The following RBMS1 variants were observed in gnomAD, a reference collection of about 807,000 sequenced individuals.
RBMS1 encodes the protein RNA-binding motif, single-stranded-interacting protein 1.
A neutral mutation model predicts 62.3 loss-of-function variants in RBMS1; 17 were observed. The ratio of observed to expected loss-of-function variants is 0.27; its 90% confidence interval spans 0.19 to 0.41. The LOEUF (loss-of-function observed/expected upper bound fraction) is 0.41, where lower values mean the gene tolerates loss of function less well. Ranked by LOEUF, RBMS1 falls within the 10% of genes least tolerant of loss-of-function variation. The pLI is 1.00. For missense variants in RBMS1, 334 were observed against 504.5 expected (o/e 0.66, Z 3.24); for synonymous variants, 172 against 170.0 (o/e 1.01, Z -0.09).
intron 1 of RBMS1, among the ~76,000 whole-genome samples, chr2:160,460,267 G>A (rs1458964845): frequency 6.6e-6 from 1 of 152,208 alleles, no homozygotes; most frequent in East Asian, 1.9e-4. Flanking sequence ...AACAGGAGGA[G>A]AAGCAGGTGG....
At chr2:160,420,172 C>T (rs762491691) in intron 1 of RBMS1, among the ~76,000 whole-genome samples, 3 of 152,182 alleles carry the variant, frequency 2.0e-5, no homozygotes, top group Non-Finnish European at 4.4e-5. Flanking sequence ...AAAACTCCCA[C>T]ATCAAATGCA....
intron 1 of RBMS1, among the ~76,000 whole-genome samples, chr2:160,483,031 C>A (rs1025910371): frequency 3.3e-5 from 5 of 151,518 alleles, no homozygotes; most frequent in Admixed American, 2.6e-4. Flanking sequence ...CCAGATATCA[C>A]CCACTGTCAT....
At chr2:160,388,832 G>C (rs1694713619) in intron 1 of RBMS1, among the ~76,000 whole-genome samples, 1 of 152,206 alleles carries the variant, frequency 6.6e-6, no homozygotes, top group Non-Finnish European at 1.5e-5. Context: ...TAGGTTAACA[G>C]GTCTACAAAC....
chr2:160,381,304 T>A (rs1490155640), intron 1 of RBMS1, among the ~76,000 whole-genome samples: 1 of 152,208 alleles, frequency 6.6e-6, no homozygotes, highest in Non-Finnish European at 1.5e-5. Context: ...GGATCTATAA[T>A]ATTTTATCTT....
chr2:160,384,024 C>T (rs200766788), intron 1 of RBMS1, among the ~76,000 whole-genome samples: 1 of 152,208 alleles, frequency 6.6e-6, no homozygotes, highest in East Asian at 1.9e-4. Flanking sequence ...AGTGAAACCC[C>T]GTCTCTACTA....
chr2:160,338,821 A>C (rs1289747519), intron 2 of RBMS1, among the ~76,000 whole-genome samples: 4 of 152,216 alleles, frequency 2.6e-5, no homozygotes, highest in Non-Finnish European at 5.9e-5. Flanking sequence ...GCCTCTGATA[A>C]TCACCCACTC....
At chr2:160,363,306 T>C (rs1405045343) in intron 2 of RBMS1, among the ~76,000 whole-genome samples, 1 of 152,176 alleles carries the variant, frequency 6.6e-6, no homozygotes, top group Non-Finnish European at 1.5e-5. Context: ...GGCTAAGTAA[T>C]GTAACAGGCA....
At chr2:160,340,701 C>T (rs532233235) in intron 2 of RBMS1, among the ~76,000 whole-genome samples, 7 of 152,218 alleles carry the variant, frequency 4.6e-5, no homozygotes, top group South Asian at 2.1e-4. Flanking sequence ...ACAAAGAAAA[C>T]TTCCTGAGTC....
At chr2:160,448,444 G>A (rs367797787) in intron 1 of RBMS1, among the ~76,000 whole-genome samples, 2 of 152,336 alleles carry the variant, frequency 1.3e-5, no homozygotes, top group South Asian at 4.1e-4. Context: ...GCAGGCGCGC[G>A]CAGCCACGCC....
At chr2:160,453,750 C>G (rs2105322595) in intron 1 of RBMS1, among the ~76,000 whole-genome samples, 1 of 152,262 alleles carries the variant, frequency 6.6e-6, no homozygotes, top group East Asian at 1.9e-4. Flanking sequence ...GAACCTACAT[C>G]CAGTCTATCT....
intron 1 of RBMS1, among the ~76,000 whole-genome samples, chr2:160,439,028 ATCTCCCTCCTGGACGGGGCAGCTGG>A (rs1683261219): frequency 7.2e-6 from 1 of 138,374 alleles, no homozygotes; most frequent in Non-Finnish European, 1.5e-5. Flanking sequence ...TGACCCCCCA[ATCTCCCTCCTGGACGGGGCAGCTGG>A]CCGAGCAGAG....
rs761420526 is a variant in RBMS1, at chr2:160,327,153, C to G, written c.252-8926G>C. On this transcript the variant is annotated intron_variant, in intron 2 of 13. Coordinates refer to ENST00000348849, the MANE Select transcript of RBMS1 (RefSeq NM_016836.4). ...TTTTTTCAAGAGAAGATACAGACAT[C>G]TACATACCTGATTTTTCATAACTTT... Among the ~76,000 whole-genome samples the G allele has an allele frequency of 2.0e-5, 3 of 152,170 alleles. No homozygotes were observed. The East Asian group carries it at 5.8e-4, about 29-fold the overall frequency.
At chr2:160,365,088 CTT>C (rs1573938151) in intron 2 of RBMS1, among the ~76,000 whole-genome samples, 2 of 152,262 alleles carry the variant, frequency 1.3e-5, no homozygotes, top group East Asian at 1.9e-4. Context: ...CCAACTAGCT[CTT>C]CTTTATTGGA....
intron 1 of RBMS1, among the ~76,000 whole-genome samples, chr2:160,484,310 A>G (rs1685496193): frequency 6.6e-6 from 1 of 151,710 alleles, no homozygotes; most frequent in Admixed American, 6.6e-5. Flanking sequence ...CCTGGCTAAC[A>G]CGGTGAAACC....
chr2:160,376,804 CAAATAAAT>C lies in RBMS1; in HGVS notation c.76-9421_76-9414del, dbSNP rs144445931. On this transcript the variant is annotated intron_variant, in intron 1 of 13. Coordinates refer to ENST00000348849, the MANE Select transcript of RBMS1 (RefSeq NM_016836.4). ...GAGCATGCCATCGCGTCTGGCTAAT[CAAATAAAT>C]AAATAAATAAATAAATAAAAACTTT... Among the ~76,000 whole-genome samples the C allele has an allele frequency of 1.8e-3, 274 of 150,942 alleles. 1 individual carries two copies. The highest frequency in any genetic ancestry group is 8.7e-3 in the East Asian group (45 of 5,158).
intron 4 of RBMS1, among the ~76,000 whole-genome samples, chr2:160,308,730 C>T (rs1689688385): frequency 6.6e-6 from 1 of 152,122 alleles, no homozygotes; most frequent in African/African-American, 2.4e-5. Flanking sequence ...GGGTCCTTTT[C>T]CTTAGCCAAT....
At chr2:160,436,411 C>G (rs532297339) in intron 1 of RBMS1, among the ~76,000 whole-genome samples, 5 of 152,370 alleles carry the variant, frequency 3.3e-5, no homozygotes, top group South Asian at 2.1e-4. Flanking sequence ...TCCTAATATT[C>G]TAGCCCATCC....
chr2:160,326,266 G>C (rs1036582913), intron 2 of RBMS1, among the ~76,000 whole-genome samples: 1 of 152,124 alleles, frequency 6.6e-6, no homozygotes, highest in African/African-American at 2.4e-5. Flanking sequence ...CCCTTTCAAG[G>C]CCTGTGAAAA....
Position 160,286,131 on chromosome 2 carries a change from A to T in RBMS1, c.756+838T>A, listed in dbSNP as rs149643097. Among the ~76,000 whole-genome samples, 5 of 151,494 alleles carry T rather than the reference A, an allele frequency of 3.3e-5. No individual in the cohort carries two copies. The East Asian group carries it at 9.8e-4, about 30-fold the overall frequency. ...ATCTCAAAAATAAAAAATAAATAAA[A>T]AAATAAAAATTTTTAAAAATTAGCC... On this transcript the variant is annotated intron_variant, in intron 7 of 13. Transcript: ENST00000348849.
Sources: gnomAD v4.1 joint callset for allele counts (sites outside exome capture counted in the v4.1 genomes callset) on GRCh38, gnomAD v4.1.1 for gene constraint, MANE v1.5 for transcripts, NCBI Gene and HGNC (gene_info 2026-07-23, HGNC 2026-07-21) for gene names.